Variants in RHPN2 observed in about 807,000 individuals in gnomAD.
The protein encoded by RHPN2 is rhophilin-2.
A neutral mutation model predicts 79.0 loss-of-function variants in RHPN2; 40 were observed. That is an observed-to-expected ratio of 0.51 (90% CI 0.39 to 0.66). The LOEUF (loss-of-function observed/expected upper bound fraction) is 0.66. Among genes scored for constraint, RHPN2 ranks in the 30% least tolerant of loss-of-function variants. The pLI, the probability that RHPN2 is intolerant of heterozygous loss-of-function variation, is 0.00. For missense variants in RHPN2, 686 were observed against 883.5 expected, an observed-to-expected ratio of 0.78 and a Z score of 2.83; for synonymous variants, 285 against 363.5, an observed-to-expected ratio of 0.78 and a Z score of 2.46.
intron 2 of RHPN2, among the ~76,000 whole-genome samples, chr19:33,031,114 G>C (rs897666272): frequency 8.6e-5 from 13 of 152,036 alleles, no homozygotes; most frequent in African/African-American, 3.1e-4. Flanking sequence ...GTGGGAGAGG[G>C]GCAGGGCTTC....
chr19:32,993,294 G>A (rs1971675565), intron 12 of RHPN2, among the ~76,000 whole-genome samples: 1 of 151,958 alleles, frequency 6.6e-6, no homozygotes, highest in Non-Finnish European at 1.5e-5. Context: ...GGCCAACATG[G>A]TGAAACCCCG....
rs1971661951 is a variant in RHPN2, at chr19:32,991,820, T to C, written c.1644+3A>G. On this transcript the variant is annotated splice_donor_region_variant and intron_variant, in intron 13 of 14. Coordinates refer to ENST00000254260, the MANE Select transcript of RHPN2 (RefSeq NM_033103.5). ...CTGCCAATCAAGAAAAGCATGTGCT[T>C]ACCGAGGCAGAGCAGTAAGGATCCA... 6.2e-7 allele frequency: 1 copy of C among 1,613,952 alleles called. No homozygotes were observed.
intron 2 of RHPN2, among the ~76,000 whole-genome samples, chr19:33,040,322 T>C (rs546581665): frequency 3.5e-5 from 5 of 141,274 alleles, no homozygotes; most frequent in Admixed American, 2.3e-4. Flanking sequence ...CTGCAAGCAC[T>C]GCCTCCCAGG....
intron 5 of RHPN2, 82 bp from the exon 6 acceptor site, chr19:33,011,885 C>T (rs531425114): frequency 1.3e-6 from 2 of 1,571,540 alleles, no homozygotes; most frequent in African/African-American, 1.4e-5. Flanking sequence ...CTGCACATAC[C>T]AGCAGGTGCC....
At chr19:33,026,403 AC>A in intron 3 of RHPN2, 100 bp downstream of exon 3, 1 of 1,485,516 alleles carries the variant, frequency 6.7e-7, no homozygotes. Flanking sequence ...GGGCTGCCAC[AC>A]CCCAGTCTAG....
At chr19:33,056,717 T>C (rs1009812406) in intron 1 of RHPN2, among the ~76,000 whole-genome samples, 25 of 151,842 alleles carry the variant, frequency 1.6e-4, no homozygotes, top group African/African-American at 6.0e-4. Context: ...AGTAACATAA[T>C]GAGAAAGAAA....
rs780575169 is a variant in RHPN2 at position 33,026,650 on chromosome 19, G to A, written c.186-18C>T. ...TGGCCACTCTGTTCAAAGAGAAGAG[G>A]GAGAGAAGTGCCCTCAGCCAGGTAT... On this transcript the variant is annotated intron_variant, in intron 2 of 14. Transcript: ENST00000254260. 2.0e-5 allele frequency: 32 copies of A among 1,601,944 alleles called. No individual in the cohort carries two copies. In the South Asian group the frequency reaches 3.2e-4, roughly 16 times the overall value.
chr19:32,981,440 A>G (rs1350213105), intron 14 of RHPN2, among the ~76,000 whole-genome samples: 11 of 88,270 alleles, frequency 1.2e-4, no homozygotes, highest in Non-Finnish European at 1.9e-4. Context: ...GGGGAAGGGA[A>G]GAGGGGAAAG....
chr19:33,062,746 C>T (rs1334859245), intron 1 of RHPN2, among the ~76,000 whole-genome samples: 4 of 149,228 alleles, frequency 2.7e-5, no homozygotes, highest in African/African-American at 9.8e-5. Context: ...CCAGCCTGAG[C>T]GACAGAGTGA....
chr19:33,000,271 GGTGCAGTGGT>G (rs1971738777), intron 9 of RHPN2, among the ~76,000 whole-genome samples: 1 of 150,818 alleles, frequency 6.6e-6, no homozygotes, highest in Non-Finnish European at 1.5e-5. Flanking sequence ...CCCAGGCTTG[GGTGCAGTGGT>G]GTGATCTTGG....
At chr19:32,996,363 T>G in intron 10 of RHPN2, 143 bp from the exon 11 acceptor site, 1 of 782,594 alleles carries the variant, frequency 1.3e-6, no homozygotes. Context: ...CCTACCTTGT[T>G]TTAACCTGAG....
rs779238588 is a variant in RHPN2, at chr19:32,999,493, G to C, written c.1225+93C>G. Reference sequence around the variant, plus strand: ...ATGACTCGGAACACCCCCCTCTCCCGGGCCCTCTTCAGGGACCTCTCTGTG... The same window carrying C: ...ATGACTCGGAACACCCCCCTCTCCCCGGCCCTCTTCAGGGACCTCTCTGTG... On this transcript the variant is annotated intron_variant, in intron 10 of 14. Transcript: ENST00000254260. The C allele has an allele frequency of 4.0e-6, 6 of 1,502,604 alleles. No homozygotes were observed. In the Admixed American group the frequency reaches 7.2e-5, roughly 18 times the overall value. 93.1% of individuals were successfully genotyped at this position (1,502,604 alleles called of 1,614,324 possible).
chr19:33,021,863 C>T (rs1039769034), intron 3 of RHPN2, among the ~76,000 whole-genome samples: 20 of 152,280 alleles, frequency 1.3e-4, no homozygotes, highest in Admixed American at 5.2e-4. Flanking sequence ...TGCTGGACCA[C>T]CCCTCCTAAC....
At chr19:33,031,434 A>AT (rs1165946284) in intron 2 of RHPN2, among the ~76,000 whole-genome samples, 1 of 150,782 alleles carries the variant, frequency 6.6e-6, no homozygotes, top group Non-Finnish European at 1.5e-5. Context: ...TAATTTTTGT[A>AT]TTTTTTCACC....
chr19:33,063,572 G>A (rs746061093), intron 1 of RHPN2, among the ~76,000 whole-genome samples: 9 of 152,238 alleles, frequency 5.9e-5, no homozygotes, highest in African/African-American at 9.6e-5. Flanking sequence ...CCTGGCCAAG[G>A]GCCAAAAGCT....
chr19:33,003,581 C>A (rs144006147), intron 7 of RHPN2, among the ~76,000 whole-genome samples: 3 of 152,028 alleles, frequency 2.0e-5, no homozygotes, highest in African/African-American at 7.2e-5. Context: ...ACCACCCAGA[C>A]GTCCATGAGC....
At chr19:33,010,338 C>G (rs1971825585) in intron 6 of RHPN2, among the ~76,000 whole-genome samples, 1 of 151,696 alleles carries the variant, frequency 6.6e-6, no homozygotes, top group Non-Finnish European at 1.5e-5. Flanking sequence ...CTCCTAACGA[C>G]ACTCAGAGAA....
At chr19:33,036,006 A>G (rs1470699373) in intron 2 of RHPN2, among the ~76,000 whole-genome samples, 1 of 151,552 alleles carries the variant, frequency 6.6e-6, no homozygotes, top group Non-Finnish European at 1.5e-5. Flanking sequence ...AGTCCCAGCT[A>G]CTCGGCAAGC....
rs762118544 is a variant in RHPN2, at chr19:33,002,360, G to A, written c.992C>T (p.Ala331Val). Residue 331 changes from alanine to valine, a missense_variant, in exon 9 of 15, where the codon GCG (alanine) becomes GTG (valine). Physicochemically the swap from Ala to Val is moderately conservative, Grantham distance 64 (BLOSUM62 0). Transcript: ENST00000254260. ...GTAGGGGATGTTCTCTTTCACCGGC[G>A]CCTGGCTCATGGCTGCGTGTAGCTG... ...YQQLHAAMSQ[A>V]PVKENIPYSW... 9.3e-6 allele frequency: 15 copies of A among 1,613,794 alleles called. No individual in the cohort carries two copies. The highest frequency in any genetic ancestry group is 5.3e-5 in the African/African-American group (4 of 74,918).
Sources: gnomAD v4.1 joint callset for allele counts (sites outside exome capture counted in the v4.1 genomes callset) on GRCh38, gnomAD v4.1.1 for gene constraint, MANE v1.5 for transcripts, NCBI Gene and HGNC (gene_info 2026-07-23, HGNC 2026-07-21) for gene names.